The following ARHGAP24 variants were observed in gnomAD, a reference collection of about 807,000 sequenced individuals.
ARHGAP24 encodes the protein Rho GTPase activating protein 24, also known as rho GTPase-activating protein 24.
In ARHGAP24, 50 loss-of-function variants were observed where a neutral mutation model predicts 76.4. The ratio of observed to expected loss-of-function variants is 0.65; its 90% CI spans 0.52 to 0.83. The LOEUF is 0.83. Ranked by LOEUF, ARHGAP24 falls within the 40% of genes least tolerant of loss-of-function variation. ARHGAP24 has a pLI of 0.00. For synonymous variants in ARHGAP24, 345 were observed against 323.3 expected (o/e 1.07, Z -0.72); for missense variants, 930 against 914.2 (o/e 1.02, Z -0.22).
chr4:85,752,503 C>T (rs1295524462), intron 3 of ARHGAP24, among the ~76,000 whole-genome samples: 1 of 151,950 alleles, frequency 6.6e-6, no homozygotes, highest in African/African-American at 2.4e-5. Flanking sequence ...CATATTCTGA[C>T]GTGGGTCTTA....
intron 1 of ARHGAP24, among the ~76,000 whole-genome samples, chr4:85,518,892 T>A (rs1392728443): frequency 6.6e-6 from 1 of 152,178 alleles, no homozygotes; most frequent in African/African-American, 2.4e-5. Flanking sequence ...AGTGGTGGGA[T>A]TGCTGGATCA....
At chr4:85,967,833 T>C (rs1738718500) in intron 5 of ARHGAP24, among the ~76,000 whole-genome samples, 1 of 152,172 alleles carries the variant, frequency 6.6e-6, no homozygotes, top group Admixed American at 6.5e-5. Flanking sequence ...TAGATCTTCA[T>C]TGGCTTTTTT....
chr4:85,535,778 T>C (rs1392942417), intron 1 of ARHGAP24, among the ~76,000 whole-genome samples: 2 of 152,186 alleles, frequency 1.3e-5, no homozygotes, highest in Non-Finnish European at 2.9e-5. Context: ...CCTATCTAGT[T>C]TTAGAAACCG....
At chr4:85,741,342 T>C (rs1331909237) in intron 3 of ARHGAP24, among the ~76,000 whole-genome samples, 1 of 152,148 alleles carries the variant, frequency 6.6e-6, no homozygotes, top group Non-Finnish European at 1.5e-5. Flanking sequence ...TCTTACTAAA[T>C]TACCCAGAAG....
chr4:85,903,984 A>G (rs961316862), intron 3 of ARHGAP24, among the ~76,000 whole-genome samples: 1 of 152,218 alleles, frequency 6.6e-6, no homozygotes, highest in Non-Finnish European at 1.5e-5. Context: ...ATTAAAAAAA[A>G]GAAACTTTAT....
chr4:85,931,094 T>G, intron 4 of ARHGAP24: 1 of 1,531,696 alleles, frequency 6.5e-7, no homozygotes, highest in African/African-American at 1.4e-5. Flanking sequence ...TAATATTATC[T>G]TAGGCTTTAA....
At chr4:85,748,367 T>C (rs1726132769) in intron 3 of ARHGAP24, among the ~76,000 whole-genome samples, 1 of 152,246 alleles carries the variant, frequency 6.6e-6, no homozygotes, top group Admixed American at 6.5e-5. Flanking sequence ...GAAAATATTC[T>C]GATAGGCCAG....
At chr4:85,569,216 A>G (rs1726974474) in intron 1 of ARHGAP24, among the ~76,000 whole-genome samples, 1 of 152,248 alleles carries the variant, frequency 6.6e-6, no homozygotes, top group Non-Finnish European at 1.5e-5. Flanking sequence ...CTTTGTTTAT[A>G]TGCCTGGACA....
Position 85,804,119 on chromosome 4 carries a change from A to G in ARHGAP24, c.268+82147A>G, listed in dbSNP as rs148873327. On this transcript the variant is annotated intron_variant, in intron 3 of 9. Transcript: ENST00000395184. ...GGTGTGTGGCTAACCTTTTGTATTGACAAATTCCTTAAATAGCGTTTTATA... is the reference window on the plus strand; with the variant it reads ...GGTGTGTGGCTAACCTTTTGTATTGGCAAATTCCTTAAATAGCGTTTTATA... 1.3e-4 allele frequency among the ~76,000 whole-genome samples: 19 copies of G among 151,906 alleles called. No individual in the cohort carries two copies. In the East Asian group the frequency reaches 3.3e-3, roughly 26 times the overall value.
At chr4:85,906,117 A>G (rs1265139108) in intron 3 of ARHGAP24, among the ~76,000 whole-genome samples, 1 of 152,024 alleles carries the variant, frequency 6.6e-6, no homozygotes, top group Non-Finnish European at 1.5e-5. Flanking sequence ...AAAATTTTTC[A>G]CTCTTCTCAT....
chr4:85,954,834 C>T (rs1447519058), intron 5 of ARHGAP24, among the ~76,000 whole-genome samples: 3 of 152,136 alleles, frequency 2.0e-5, no homozygotes, highest in African/African-American at 2.4e-5. Flanking sequence ...ATGGAGAAAC[C>T]CTGTCTCTAC....
Position 85,925,980 on chromosome 4 carries a change from G to A in ARHGAP24, c.391+2210G>A, listed in dbSNP as rs1256016802. Among the ~76,000 whole-genome samples the A allele has an allele frequency of 2.6e-5, 4 of 151,898 alleles. No homozygotes were observed. The East Asian group carries it at 5.8e-4, about 22-fold the overall frequency. Reference sequence around the variant, plus strand: ...ATCTACTGAAGAATATATTTTTGTTGAGGGATTATTTATATCAAGTGTTAG... The same window carrying A: ...ATCTACTGAAGAATATATTTTTGTTAAGGGATTATTTATATCAAGTGTTAG... On this transcript the variant is annotated intron_variant, in intron 4 of 9. Transcript: ENST00000395184.
intron 1 of ARHGAP24, among the ~76,000 whole-genome samples, chr4:85,552,216 G>A (rs1252074035): frequency 6.6e-6 from 1 of 152,046 alleles, no homozygotes; most frequent in Non-Finnish European, 1.5e-5. Context: ...ATTCTGGCAT[G>A]TTGTATCTTT....
chr4:85,728,069 T>G (rs888133966), intron 3 of ARHGAP24, among the ~76,000 whole-genome samples: 5 of 152,084 alleles, frequency 3.3e-5, no homozygotes, highest in Non-Finnish European at 7.4e-5. Context: ...CTATACTAAT[T>G]ATTTCCAATA....
chr4:85,564,316 T>C (rs10084833), intron 1 of ARHGAP24, among the ~76,000 whole-genome samples: 42,459 of 151,018 alleles, frequency 0.28, 6,607 homozygotes, highest in African/African-American at 0.39. Flanking sequence ...CACTGTATGT[T>C]CTCGCTCATA....
chr4:85,517,541 G>C (rs1374928527), intron 1 of ARHGAP24, among the ~76,000 whole-genome samples: 1 of 152,092 alleles, frequency 6.6e-6, no homozygotes, highest in Non-Finnish European at 1.5e-5. Flanking sequence ...TTGTTCAAAA[G>C]ATTACACGTT....
chr4:85,911,177 T>A (rs1271228159), intron 3 of ARHGAP24, among the ~76,000 whole-genome samples: 1 of 152,156 alleles, frequency 6.6e-6, no homozygotes, highest in African/African-American at 2.4e-5. Flanking sequence ...GCAAGAGGCC[T>A]GGGTCTGCAG....
At chr4:85,482,544 G>C (rs774122115) in intron 1 of ARHGAP24, among the ~76,000 whole-genome samples, 28 of 152,042 alleles carry the variant, frequency 1.8e-4, no homozygotes, top group Non-Finnish European at 3.5e-4. Flanking sequence ...AAAGGGGGAG[G>C]GGCAGAAGCA....
intron 2 of ARHGAP24, among the ~76,000 whole-genome samples, chr4:85,638,280 T>C (rs530165724): frequency 1.3e-5 from 2 of 152,310 alleles, no homozygotes; most frequent in East Asian, 3.9e-4. Flanking sequence ...GTACATGTTA[T>C]ATGATACAAC....
Sources: allele counts gnomAD v4.1 joint callset (sites outside exome capture counted in the v4.1 genomes callset), GRCh38; gene constraint gnomAD v4.1.1; transcripts MANE v1.5; gene names NCBI Gene and HGNC (gene_info 2026-07-23, HGNC 2026-07-21).